Variants in PIN4 observed in about 807,000 individuals in gnomAD.
PIN4 encodes peptidylprolyl cis/trans isomerase, NIMA-interacting 4.
PIN4 carries 3 observed loss-of-function variants against 8.3 expected under a neutral mutation model. The ratio of observed to expected loss-of-function variants is 0.36; its 90% confidence interval spans 0.16 to 0.93. PIN4 has a LOEUF of 0.93. Ranked by LOEUF, PIN4 falls within the 40% of genes least tolerant of loss-of-function variation. The pLI, the probability that PIN4 is intolerant of heterozygous loss-of-function variation, is 0.44. For missense variants in PIN4, 75 were observed against 100.6 expected (o/e 0.75, Z 1.09); for synonymous variants, 18 against 32.5 (o/e 0.55, Z 1.52).
At chrX:72,236,503 C>T in intron 3 of PIN4, among the ~76,000 whole-genome samples, 1 of 111,189 alleles carries the variant, frequency 9.0e-6, no homozygotes, top group Non-Finnish European at 1.9e-5. Context: ...ACCATGTTGT[C>T]CAGACTGGTC....
chrX:72,227,581 C>T (rs1480449955), intron 3 of PIN4, among the ~76,000 whole-genome samples: 2 of 111,362 alleles, frequency 1.8e-5, no homozygotes, highest in Non-Finnish European at 3.8e-5. Context: ...CCCCTTGTTT[C>T]CCCTCTTCTG....
At chrX:72,240,193 A>G (rs2043043293) in intron 3 of PIN4, among the ~76,000 whole-genome samples, 1 of 112,192 alleles carries the variant, frequency 8.9e-6, no homozygotes, top group South Asian at 3.6e-4. Context: ...AAAAAGAAGT[A>G]GTGCTGTGGT....
chrX:72,250,736 G>GTTTTTT (rs1230012818), intron 3 of PIN4, among the ~76,000 whole-genome samples: 13 of 74,358 alleles, frequency 1.7e-4, no homozygotes, highest in African/African-American at 7.4e-4. Context: ...CTGGTATATG[G>GTTTTTT]TTTTTTTTTT....
chrX:72,237,523 G>A (rs1194327487), intron 3 of PIN4, among the ~76,000 whole-genome samples: 2 of 109,523 alleles, frequency 1.8e-5, no homozygotes, highest in Admixed American at 9.8e-5. Flanking sequence ...GCGTGAACCC[G>A]GAAGGCGGAG....
chrX:72,255,305 G>GTAA (rs2043106154), intron 3 of PIN4, among the ~76,000 whole-genome samples: 3 of 53,457 alleles, frequency 5.6e-5, no homozygotes, highest in African/African-American at 4.6e-4. Flanking sequence ...AATAATAATA[G>GTAA]TAATAATAAT....
intron 1 of PIN4, 151 bp from the exon 2 acceptor site, chrX:72,186,310 A>G (rs1337668741): frequency 1.5e-5 from 8 of 517,248 alleles, no homozygotes; most frequent in Non-Finnish European, 2.8e-5. Context: ...GGGAAGCTGA[A>G]AGGTTGGATA....
chrX:72,208,328 G>A (rs1430623621), intron 3 of PIN4: 1 of 1,210,091 alleles, frequency 8.3e-7, no homozygotes, highest in East Asian at 3.0e-5. Flanking sequence ...AGCAGCACAT[G>A]ATTCACAAGT....
chrX:72,237,952 T>C (rs1330771100), intron 3 of PIN4: 2 of 110,663 alleles, frequency 1.8e-5, no homozygotes, highest in African/African-American at 6.6e-5. Flanking sequence ...CAAGACCCTG[T>C]CTCAAAAAAA....
intron 3 of PIN4, among the ~76,000 whole-genome samples, chrX:72,236,132 C>T (rs368702799): frequency 1.8e-5 from 2 of 110,417 alleles, no homozygotes; most frequent in Non-Finnish European, 3.8e-5. Context: ...AATGCTTGAA[C>T]GGTGGTGTAA....
rs2042774729 is a variant in PIN4, at chrX:72,197,854, G to T, written c.*328G>T. 52 of 770,427 alleles carry T rather than the reference G, an allele frequency of 6.7e-5. No individual in the cohort carries two copies. The highest frequency in any genetic ancestry group is 7.7e-5 in the Non-Finnish European group (50 of 648,696). 63.5% of individuals were successfully genotyped at this position (770,427 alleles called of 1,213,427 possible). A position where few individuals can be genotyped will look rare whatever the true frequency, so the allele number is the denominator to read the frequency against. On this transcript the variant is annotated 3_prime_UTR_variant, in exon 4 of 4. Transcript: ENST00000373669. ...AATTAATTCAGAAACCATCTTCAGG[G>T]GAAGCAGATATCAACTCACACTATT...
intron 3 of PIN4, chrX:72,204,866 G>GT (rs778569842): frequency 8.8e-4 from 359 of 407,457 alleles, no homozygotes; most frequent in Middle Eastern, 1.3e-3. Flanking sequence ...AGACTATGGA[G>GT]TGGGGGGCGT....
chrX:72,236,747 G>A (rs1437484157), intron 3 of PIN4, among the ~76,000 whole-genome samples: 1 of 111,808 alleles, frequency 8.9e-6, no homozygotes, highest in Non-Finnish European at 1.9e-5. Context: ...GAATGACACT[G>A]GTTCATTCAA....
At chrX:72,245,405 A>T (rs905234886) in intron 3 of PIN4, among the ~76,000 whole-genome samples, 2 of 111,481 alleles carry the variant, frequency 1.8e-5, no homozygotes, top group Non-Finnish European at 3.8e-5. Flanking sequence ...CCTGGGCTCA[A>T]GCGATCCTCC....
downstream of PIN4, among the ~76,000 whole-genome samples, chrX:72,202,805 A>C (rs987991204): frequency 2.7e-5 from 3 of 112,237 alleles, no homozygotes; most frequent in South Asian, 1.1e-3. Context: ...TGAGATTATT[A>C]ATGTGTATAT....
intron 2 of PIN4, among the ~76,000 whole-genome samples, chrX:72,187,664 G>T (rs1052939981): frequency 9.0e-6 from 1 of 111,449 alleles, no homozygotes; most frequent in African/African-American, 3.3e-5. Context: ...TCAGCCAGAC[G>T]TGGTGGTGCA....
intron 1 of PIN4, among the ~76,000 whole-genome samples, chrX:72,183,788 C>T (rs2042685193): frequency 9.0e-6 from 1 of 111,368 alleles, no homozygotes; most frequent in Non-Finnish European, 1.9e-5. Context: ...CTGAAGGATC[C>T]AGTAAAGTAA....
chrX:72,252,868 T>C (rs1209468957), intron 3 of PIN4, among the ~76,000 whole-genome samples: 1 of 111,818 alleles, frequency 8.9e-6, no homozygotes, highest in Non-Finnish European at 1.9e-5. Context: ...TTACCATGTT[T>C]CTGTTATAGT....
chrX:72,222,707 C>T (rs1248842738), intron 3 of PIN4, among the ~76,000 whole-genome samples: 2 of 108,443 alleles, frequency 1.8e-5, no homozygotes, highest in African/African-American at 6.7e-5. Flanking sequence ...AAGCGATTCT[C>T]CTGCCTCAGC....
chrX:72,259,549 G>A (rs2043128665), intron 3 of PIN4, among the ~76,000 whole-genome samples: 1 of 109,182 alleles, frequency 9.2e-6, no homozygotes, highest in African/African-American at 3.3e-5. Context: ...TCGCCAGGGA[G>A]TGTTCTAATA....
Sources: gnomAD v4.1 joint callset for allele counts (sites outside exome capture counted in the v4.1 genomes callset) on GRCh38, gnomAD v4.1.1 for gene constraint, MANE v1.5 for transcripts, NCBI Gene and HGNC (gene_info 2026-07-23, HGNC 2026-07-21) for gene names.